The following CCDC171 variants were observed in gnomAD, a reference collection of about 807,000 sequenced individuals.
CCDC171 encodes the protein coiled-coil domain containing 171.
In CCDC171, 177 loss-of-function variants were observed where a neutral mutation model predicts 168.2. The observed-to-expected ratio is 1.05, with a 90% confidence interval of 0.93 to 1.19. The LOEUF is 1.19. Ranked by LOEUF, CCDC171 falls within the 50% of genes most tolerant of loss-of-function variation. The pLI is 0.00. For missense variants in CCDC171, 1,991 were observed against 1,539.0 expected, an observed-to-expected ratio of 1.29 and a Z score of -4.91; for synonymous variants, 687 against 540.8, an observed-to-expected ratio of 1.27 and a Z score of -3.75.
In CCDC171 at chr9:15,971,947, A is replaced by T; in HGVS notation, c.*111A>T. ...TTTCAGCAGAAGTGGCAGTGGATTT[A>T]AAAAATTTGTGCGCTATCTTGATGT... On this transcript the variant is annotated 3_prime_UTR_variant, in exon 26 of 26. Transcript: ENST00000380701. 2.2e-6 allele frequency: 2 copies of T among 924,426 alleles called. No homozygotes were observed. The highest frequency in any genetic ancestry group is 3.3e-6 in the Non-Finnish European group (2 of 599,168). The allele number at this position is 924,426 out of a possible 1,614,324, so 57.3% of individuals were successfully genotyped here.
chr9:15,789,313 C>G (rs1390440071), intron 21 of CCDC171, among the ~76,000 whole-genome samples: 1 of 152,154 alleles, frequency 6.6e-6, no homozygotes, highest in Non-Finnish European at 1.5e-5. Context: ...TGAAATACTT[C>G]TGGTCCTGAG....
intron 3 of CCDC171, among the ~76,000 whole-genome samples, chr9:15,578,185 T>C (rs2040823835): frequency 6.6e-6 from 1 of 151,866 alleles, no homozygotes; most frequent in Non-Finnish European, 1.5e-5. Flanking sequence ...GTGCTTAGTA[T>C]GTATCATGCA....
intron 10 of CCDC171, among the ~76,000 whole-genome samples, chr9:15,683,419 G>A (rs2050170505): frequency 1.3e-5 from 2 of 151,820 alleles, no homozygotes; most frequent in African/African-American, 4.8e-5. Context: ...GATTTTGTAG[G>A]AGGTTTTCAA....
intron 11 of CCDC171, among the ~76,000 whole-genome samples, chr9:15,698,619 A>G (rs2051418682): frequency 1.3e-5 from 2 of 152,108 alleles, no homozygotes; most frequent in South Asian, 4.1e-4. Flanking sequence ...ACGTTGCTAC[A>G]AATGACAGGG....
intron 4 of CCDC171, among the ~76,000 whole-genome samples, chr9:15,583,351 G>T (rs892314977): frequency 6.7e-6 from 1 of 148,988 alleles, no homozygotes; most frequent in African/African-American, 2.5e-5. Flanking sequence ...GGCAGAGGTT[G>T]CAGTGAGCCA....
intron 11 of CCDC171, among the ~76,000 whole-genome samples, chr9:15,702,477 A>G (rs1340335135): frequency 1.3e-5 from 2 of 152,096 alleles, no homozygotes; most frequent in African/African-American, 2.4e-5. Context: ...TAGATAAAGC[A>G]TAATTCTTAA....
At chr9:15,792,075 A>G (rs2058297798) in intron 21 of CCDC171, among the ~76,000 whole-genome samples, 1 of 152,208 alleles carries the variant, frequency 6.6e-6, no homozygotes, top group South Asian at 2.1e-4. Flanking sequence ...AAAACCTTGA[A>G]AAAAGGTTAG....
intron 18 of CCDC171, among the ~76,000 whole-genome samples, chr9:15,763,971 TG>T (rs1258732532): frequency 6.6e-6 from 1 of 152,122 alleles, no homozygotes; most frequent in Non-Finnish European, 1.5e-5. Flanking sequence ...GTGTTTTGCT[TG>T]AAAAAATGAG....
intron 16 of CCDC171, among the ~76,000 whole-genome samples, chr9:15,737,721 T>C (rs1459532081): frequency 6.6e-6 from 1 of 152,214 alleles, no homozygotes; most frequent in Non-Finnish European, 1.5e-5. Context: ...ATTTTTGATG[T>C]GTTAAATTTA....
intron 9 of CCDC171, among the ~76,000 whole-genome samples, chr9:15,677,781 G>A (rs771884097): frequency 1.5e-4 from 21 of 141,508 alleles, no homozygotes; most frequent in South Asian, 4.5e-4. Context: ...GTGTGTGTGT[G>A]TATATATACC....
intron 21 of CCDC171, among the ~76,000 whole-genome samples, chr9:15,837,813 T>C (rs369488527): frequency 6.6e-6 from 1 of 152,368 alleles, no homozygotes; most frequent in Non-Finnish European, 1.5e-5. Flanking sequence ...TCATGGTTTA[T>C]TGCACGATGG....
At chr9:15,562,414 A>G (rs1376655484) in intron 1 of CCDC171, among the ~76,000 whole-genome samples, 5 of 152,136 alleles carry the variant, frequency 3.3e-5, no homozygotes, top group Admixed American at 3.3e-4. Flanking sequence ...TCCTGGTTAT[A>G]TATCAGTGAG....
the CCDC171 span, among the ~76,000 whole-genome samples, chr9:16,102,724 A>T: frequency 6.6e-6 from 1 of 152,144 alleles, no homozygotes; most frequent in Admixed American, 6.5e-5. Context: ...TTCACTTTCC[A>T]ACAGCTCTTC....
At chr9:15,570,208 T>A (rs2040111275) in intron 2 of CCDC171, among the ~76,000 whole-genome samples, 1 of 152,104 alleles carries the variant, frequency 6.6e-6, no homozygotes, top group African/African-American at 2.4e-5. Flanking sequence ...TGGCCTCAAG[T>A]GATCTGCCCG....
intron 11 of CCDC171, among the ~76,000 whole-genome samples, chr9:15,705,548 G>A (rs1420717112): frequency 6.6e-6 from 1 of 152,102 alleles, no homozygotes; most frequent in Admixed American, 6.5e-5. Context: ...TTTTTACCTA[G>A]TGTATCTGTA....
At chr9:15,941,726 GCT>G (rs1827759407) in intron 25 of CCDC171, among the ~76,000 whole-genome samples, 2 of 151,892 alleles carry the variant, frequency 1.3e-5, no homozygotes, top group African/African-American at 4.8e-5. Flanking sequence ...AGCCTGAAAT[GCT>G]CTCTTTTAAC....
intron 10 of CCDC171, among the ~76,000 whole-genome samples, chr9:15,694,637 C>CATCCA (rs901375212): frequency 2.6e-5 from 4 of 152,186 alleles, no homozygotes; most frequent in African/African-American, 7.2e-5. Context: ...CCCTTATCCT[C>CATCCA]ATCCAATCCA....
At chr9:16,031,897 G>A (rs1171141299) in intron 6 of CCDC171, among the ~76,000 whole-genome samples, 1 of 152,170 alleles carries the variant, frequency 6.6e-6, no homozygotes, top group East Asian at 1.9e-4. Flanking sequence ...AGCTGTACAG[G>A]CAGCCCCCAG....
chr9:15,901,860 A>G (rs879290408), intron 24 of CCDC171, among the ~76,000 whole-genome samples: 1 of 152,194 alleles, frequency 6.6e-6, no homozygotes, highest in Admixed American at 6.5e-5. Context: ...GTGAATCTAT[A>G]TATTAAATTA....
Sources: allele counts gnomAD v4.1 joint callset (sites outside exome capture counted in the v4.1 genomes callset), GRCh38; gene constraint gnomAD v4.1.1; transcripts MANE v1.5; gene names NCBI Gene and HGNC (gene_info 2026-07-23, HGNC 2026-07-21).